The following FRMPD4 variants were observed in gnomAD, a reference collection of about 807,000 sequenced individuals.
The protein encoded by FRMPD4 is FERM and PDZ domain containing 4, also known as FERM and PDZ domain-containing protein 4.
In FRMPD4, 22 loss-of-function variants were observed where a neutral mutation model predicts 94.1. The observed-to-expected ratio is 0.23, with a 90% confidence interval of 0.17 to 0.33. The LOEUF is 0.33. Among genes scored for constraint, FRMPD4 ranks in the 10% least tolerant of loss-of-function variants. The pLI is 1.00. For missense variants in FRMPD4, 1,111 were observed against 1,339.9 expected, an observed-to-expected ratio of 0.83 and a Z score of 2.67; for synonymous variants, 631 against 548.6, an observed-to-expected ratio of 1.15 and a Z score of -2.10.
intron 1 of FRMPD4, among the ~76,000 whole-genome samples, chrX:12,252,194 G>A (rs1488137049): frequency 9.0e-6 from 1 of 111,212 alleles, no homozygotes. Flanking sequence ...TAAGTCATAT[G>A]GCTTGTTGTG....
At chrX:12,331,891 AT>A (rs1313897937) in intron 1 of FRMPD4, among the ~76,000 whole-genome samples, 1 of 49,383 alleles carries the variant, frequency 2.0e-5, no homozygotes, top group African/African-American at 1.2e-4. Flanking sequence ...TAAATTATAT[AT>A]ATTTATATAC....
At chrX:12,108,403 T>C (rs1317589504) in intron 3 of FRMPD4, among the ~76,000 whole-genome samples, 2 of 112,038 alleles carry the variant, frequency 1.8e-5, no homozygotes, top group Non-Finnish European at 3.8e-5. Flanking sequence ...AGGCCTGCTC[T>C]ACAAGAGCTC....
chrX:11,831,364 G>A (rs182559800), intron 1 of FRMPD4, among the ~76,000 whole-genome samples: 42 of 111,378 alleles, frequency 3.8e-4, no homozygotes, highest in African/African-American at 1.3e-3. Context: ...GGATTATGGC[G>A]GTTCGTGGAA....
chrX:11,955,032 C>T (rs2054246905), intron 3 of FRMPD4, among the ~76,000 whole-genome samples: 1 of 111,323 alleles, frequency 9.0e-6, no homozygotes, highest in Non-Finnish European at 1.9e-5. Flanking sequence ...ACTGAAAAGT[C>T]CATGTTCAGG....
At chrX:12,251,024 A>T (rs2054031806) in intron 1 of FRMPD4, among the ~76,000 whole-genome samples, 1 of 112,433 alleles carries the variant, frequency 8.9e-6, no homozygotes, top group Non-Finnish European at 1.9e-5. Flanking sequence ...TCCGCCAGGA[A>T]AGGAATAATA....
intron 5 of FRMPD4, among the ~76,000 whole-genome samples, chrX:12,677,193 T>G (rs768708664): frequency 9.0e-6 from 1 of 110,782 alleles, no homozygotes; most frequent in South Asian, 3.9e-4. Flanking sequence ...CTCCCCAAGT[T>G]GTGACAAACC....
At chrX:12,626,267 G>T (rs1312306417) in intron 4 of FRMPD4, among the ~76,000 whole-genome samples, 3 of 107,184 alleles carry the variant, frequency 2.8e-5, no homozygotes, top group Non-Finnish European at 5.8e-5. Context: ...AGTTGAGGCT[G>T]CAGTGAGCTA....
At chrX:12,102,646 C>A (rs759761464) in intron 3 of FRMPD4, among the ~76,000 whole-genome samples, 1 of 111,258 alleles carries the variant, frequency 9.0e-6, no homozygotes, top group Admixed American at 9.6e-5. Flanking sequence ...GTAGGAAATA[C>A]CATTTGCACA....
intron 3 of FRMPD4, among the ~76,000 whole-genome samples, chrX:11,982,356 C>T (rs1386513126): frequency 9.1e-6 from 1 of 109,364 alleles, no homozygotes; most frequent in Non-Finnish European, 1.9e-5. Flanking sequence ...TCTTTTGTTG[C>T]TATACATTTC....
intron 1 of FRMPD4, among the ~76,000 whole-genome samples, chrX:12,478,870 T>A (rs1004368638): frequency 2.7e-5 from 3 of 111,681 alleles, no homozygotes; most frequent in African/African-American, 9.7e-5. Context: ...TTAAAAGGTG[T>A]AGACTGAAAA....
At chrX:12,293,962 A>G (rs2147879727) in intron 1 of FRMPD4, among the ~76,000 whole-genome samples, 1 of 112,482 alleles carries the variant, frequency 8.9e-6, no homozygotes, top group African/African-American at 3.2e-5. Context: ...TTAGGCATTC[A>G]CTGATCTGAA....
rs145090512 is a variant in FRMPD4, at chrX:12,533,481, G to A, written c.158+34685G>A. Among the ~76,000 whole-genome samples, 576 of 111,793 alleles carry A rather than the reference G, an allele frequency of 5.2e-3. 4 individuals carry two copies. The highest frequency in any genetic ancestry group is 0.018 in the Middle Eastern group (4 of 218). On this transcript the variant is annotated intron_variant, in intron 2 of 16. Transcript: ENST00000675598. ...TAACGGGCAGAGGTTTGAACAGTTTGGAGGGCTCAGAAAAAGACAGGAAAA... is the reference window on the plus strand; with the variant it reads ...TAACGGGCAGAGGTTTGAACAGTTTAGAGGGCTCAGAAAAAGACAGGAAAA...
intron 2 of FRMPD4, among the ~76,000 whole-genome samples, chrX:12,585,226 AT>A (rs60514161): frequency 9.6e-6 from 1 of 104,027 alleles, no homozygotes; most frequent in African/African-American, 3.5e-5. Flanking sequence ...CAAATAATCA[AT>A]TTTTTTTTTC....
At chrX:12,720,111 G>A (rs2042210287) in intron 16 of FRMPD4, among the ~76,000 whole-genome samples, 1 of 110,050 alleles carries the variant, frequency 9.1e-6, no homozygotes. Context: ...AAGAAAGAAA[G>A]AAAAGAAAAG....
chrX:11,890,189 A>T (rs2053866629), intron 3 of FRMPD4, among the ~76,000 whole-genome samples: 1 of 112,610 alleles, frequency 8.9e-6, no homozygotes, highest in Non-Finnish European at 1.9e-5. Context: ...CATTTGAGAA[A>T]ATCAAAGTTT....
At chrX:12,312,278 A>G (rs2055045772) in intron 1 of FRMPD4, among the ~76,000 whole-genome samples, 1 of 67,893 alleles carries the variant, frequency 1.5e-5, no homozygotes, top group African/African-American at 6.3e-5. Flanking sequence ...TTGGAGATGG[A>G]GTCTCGCTCT....
intron 1 of FRMPD4, among the ~76,000 whole-genome samples, chrX:12,366,986 A>C (rs764038555): frequency 1.8e-5 from 2 of 110,757 alleles, no homozygotes; most frequent in South Asian, 7.9e-4. Context: ...AGGGCAGGGA[A>C]TATCATCAAA....
chrX:12,499,094 C>T (rs952783291), intron 2 of FRMPD4, among the ~76,000 whole-genome samples: 5 of 111,139 alleles, frequency 4.5e-5, no homozygotes, highest in African/African-American at 1.3e-4. Context: ...AAGTTTCCAC[C>T]GTTAAATATT....
chrX:11,911,546 G>A (rs1179302694), intron 3 of FRMPD4, among the ~76,000 whole-genome samples: 1 of 112,066 alleles, frequency 8.9e-6, no homozygotes, highest in Non-Finnish European at 1.9e-5. Context: ...GTGGCAACTT[G>A]GAGAACTTCT....
Sources: allele counts gnomAD v4.1 joint callset (sites outside exome capture counted in the v4.1 genomes callset), GRCh38; gene constraint gnomAD v4.1.1; transcripts MANE v1.5; gene names NCBI Gene and HGNC (gene_info 2026-07-23, HGNC 2026-07-21).